The following TF variants were observed in gnomAD, a reference collection of about 807,000 sequenced individuals.
TF encodes transferrin.
Under a neutral mutation model 82.4 loss-of-function variants are expected in TF, and 55 were observed. The ratio of observed to expected loss-of-function variants is 0.67; its 90% CI spans 0.54 to 0.84. The LOEUF (loss-of-function observed/expected upper bound fraction) is 0.84. Ranked by LOEUF, TF falls within the 40% of genes least tolerant of loss-of-function variation. The pLI, the probability that TF is intolerant of heterozygous loss-of-function variation, is 0.00. For synonymous variants in TF, 332 were observed against 332.6 expected, an observed-to-expected ratio of 1.00 and a Z score of 0.02; for missense variants, 737 against 868.4, an observed-to-expected ratio of 0.85 and a Z score of 1.90.
the TF span, among the ~76,000 whole-genome samples, chr3:133,730,672 A>G: frequency 2.0e-5 from 3 of 152,270 alleles, no homozygotes; most frequent in Non-Finnish European, 4.4e-5. Flanking sequence ...ACATTTCAAT[A>G]TATTTGGGAT....
chr3:133,694,969 C>T, the TF span, among the ~76,000 whole-genome samples: 1 of 151,816 alleles, frequency 6.6e-6, no homozygotes, highest in African/African-American at 2.4e-5. Context: ...CCCATCCTGC[C>T]TCCTCAGAGT....
the TF span, among the ~76,000 whole-genome samples, chr3:133,691,261 G>A: frequency 4.6e-5 from 7 of 152,202 alleles, no homozygotes; most frequent in Admixed American, 2.0e-4. Context: ...TCCCTGCCAA[G>A]GGAATCCACA....
chr3:133,776,901 G>T, intron 15 of TF, 148 bp from the exon 16 acceptor site: 1 of 722,312 alleles, frequency 1.4e-6, no homozygotes, highest in South Asian at 1.7e-5. Flanking sequence ...ATAAATGGCA[G>T]ATAAAGGAGG....
At chr3:133,750,480 C>G (rs11919310) in intron 2 of TF, among the ~76,000 whole-genome samples, 2,002 of 148,748 alleles carry the variant, frequency 0.013, 46 homozygotes, top group African/African-American at 0.047. Context: ...TGCTGGCTTC[C>G]CCTTGGCTTC....
At chr3:133,682,035 CGTTCTGCAATATTTGCT>C in the TF span, among the ~76,000 whole-genome samples, 939 of 152,258 alleles carry the variant, frequency 6.2e-3, 2 homozygotes, top group Non-Finnish European at 9.8e-3. Flanking sequence ...CAACATTTGC[CGTTCTGCAATATTTGCT>C]GTTCTGCAGG....
chr3:133,697,045 G>T, the TF span, among the ~76,000 whole-genome samples: 2 of 152,290 alleles, frequency 1.3e-5, no homozygotes, highest in Middle Eastern at 6.8e-3. Context: ...ATGGGTCCCA[G>T]TTCCTTACAA....
chr3:133,715,428 G>A, the TF span, among the ~76,000 whole-genome samples: 4 of 152,056 alleles, frequency 2.6e-5, no homozygotes, highest in East Asian at 1.9e-4. Context: ...GTCCTGCACC[G>A]GTTCAGGATT....
At chr3:133,765,038 A>G in intron 11 of TF, 131 bp downstream of exon 11, 1 of 892,624 alleles carries the variant, frequency 1.1e-6, no homozygotes, top group Non-Finnish European at 1.8e-6. Flanking sequence ...AGAATCATGG[A>G]AGGATAGTAA....
chr3:133,766,582 C>T, intron 12 of TF, 149 bp downstream of exon 12: 1 of 1,087,620 alleles, frequency 9.2e-7, no homozygotes, highest in Non-Finnish European at 1.3e-6. Context: ...TTGCTGTCCT[C>T]AAGGACATAG....
chr3:133,756,965 G>C lies in TF; in HGVS notation c.826G>C (p.Gly276Arg), dbSNP rs1933855692. Residue 276 changes from glycine to arginine, a missense_variant, in exon 7 of 17, where the codon GGC (glycine) becomes CGC (arginine). By Grantham distance (125) the Gly-to-Arg change is moderately radical (BLOSUM62 -2). Transcript: ENST00000402696. ...PSHTVVARSM[G>R]GKEDLIWELL... ...TCATACCGTCGTGGCCCGAAGTATGGGCGGCAAGGAGGACTTGATCTGGGA... is the reference window on the plus strand; with the variant it reads ...TCATACCGTCGTGGCCCGAAGTATGCGCGGCAAGGAGGACTTGATCTGGGA... The C allele has an allele frequency of 6.2e-7, 1 of 1,614,150 alleles. No individual in the cohort carries two copies. Among genetic ancestry groups the C allele is most frequent in the Middle Eastern group, 1.6e-4 (1 of 6,062 alleles).
chr3:133,756,098 C>T (rs932511331), intron 5 of TF, among the ~76,000 whole-genome samples, 184 bp from the exon 6 acceptor site: 4 of 152,106 alleles, frequency 2.6e-5, no homozygotes, highest in Admixed American at 1.3e-4. Flanking sequence ...CTTTTTATCT[C>T]GTGTGAGCTC....
chr3:133,730,564 T>C, the TF span, among the ~76,000 whole-genome samples: 1 of 152,160 alleles, frequency 6.6e-6, no homozygotes, highest in Non-Finnish European at 1.5e-5. Flanking sequence ...ACAGGGGTCT[T>C]TCAATGGCAC....
At chr3:133,724,241 A>C in the TF span, among the ~76,000 whole-genome samples, 1 of 152,236 alleles carries the variant, frequency 6.6e-6, no homozygotes, top group Admixed American at 6.5e-5. Context: ...ACTGACTTCC[A>C]CAATGGTTGA....
chr3:133,763,731 C>A (rs896106888), intron 9 of TF, among the ~76,000 whole-genome samples: 3 of 152,214 alleles, frequency 2.0e-5, no homozygotes, highest in Non-Finnish European at 4.4e-5. Flanking sequence ...GTTGTATGCA[C>A]CAAACACGGA....
intron 15 of TF, 45 bp from the exon 16 acceptor site, chr3:133,777,004 G>A: frequency 6.4e-7 from 1 of 1,573,530 alleles, no homozygotes; most frequent in Non-Finnish European, 8.7e-7. Flanking sequence ...GTTCCCAGCT[G>A]CTAAAGACCA....
the TF span, among the ~76,000 whole-genome samples, chr3:133,666,334 G>A: frequency 6.6e-6 from 1 of 151,940 alleles, no homozygotes; most frequent in African/African-American, 2.4e-5. Context: ...CACCATGCCT[G>A]GCTAATTTTT....
At chr3:133,765,571 T>G (rs986031372) in intron 11 of TF, among the ~76,000 whole-genome samples, 2 of 152,164 alleles carry the variant, frequency 1.3e-5, no homozygotes, top group East Asian at 3.9e-4. Context: ...TCCTTGCCAC[T>G]TCCACTGATT....
the TF span, chr3:133,707,521 A>G: frequency 6.6e-6 from 1 of 152,148 alleles, no homozygotes; most frequent in Non-Finnish European, 1.5e-5. Flanking sequence ...CACTGCCACC[A>G]TTTAACTGAA....
At chr3:133,713,128 TTG>T in the TF span, among the ~76,000 whole-genome samples, 2 of 152,184 alleles carry the variant, frequency 1.3e-5, no homozygotes, top group Non-Finnish European at 2.9e-5. Flanking sequence ...CATCAGAGCC[TTG>T]GTTTAAAATC....
Sources: gnomAD v4.1 joint callset for allele counts (sites outside exome capture counted in the v4.1 genomes callset) on GRCh38, gnomAD v4.1.1 for gene constraint, MANE v1.5 for transcripts, NCBI Gene and HGNC (gene_info 2026-07-23, HGNC 2026-07-21) for gene names.